The following SMIM29 variants were observed in gnomAD, a reference collection of about 807,000 sequenced individuals.
SMIM29 encodes small integral membrane protein 29.
Under a neutral mutation model 12.9 loss-of-function variants are expected in SMIM29, and 4 were observed. That is an observed-to-expected ratio of 0.31 (90% CI 0.15 to 0.71). The LOEUF (loss-of-function observed/expected upper bound fraction) is 0.71. Ranked by LOEUF, SMIM29 falls within the 30% of genes least tolerant of loss-of-function variation. SMIM29 has a pLI of 0.70. For synonymous variants in SMIM29, 50 were observed against 52.0 expected, an observed-to-expected ratio of 0.96 and a Z score of 0.17; for missense variants, 122 against 138.1, an observed-to-expected ratio of 0.88 and a Z score of 0.58.
chr6:34,247,104 G>T lies in SMIM29; in HGVS notation c.183C>A (p.Asp61Glu), dbSNP rs148849713. 40 of 1,613,978 alleles carry T rather than the reference G, an allele frequency of 2.5e-5. No homozygotes were observed. Among genetic ancestry groups the T allele is most frequent in the Admixed American group, 1.7e-5 (1 of 60,008 alleles). ...CAGCCTCATGCAGTTCCTCAGCTGG[G>T]TCATAGCTGTACATGGGGAGCAGGT... ...RHHLLPMYSY[D>E]PAEELHEAEQ... The change falls in exon 4 of 5, where the codon GAC (aspartate) becomes GAA (glutamate). Residue 61 changes from aspartate to glutamate, a missense_variant. Transcript: ENST00000476320.
In SMIM29 at chr6:34,247,610, C is replaced by T; in HGVS notation, c.111+71G>A. 3 of 1,463,464 alleles carry T rather than the reference C, an allele frequency of 2.0e-6. No homozygotes were observed. The South Asian group carries it at 4.2e-5, about 21-fold the overall frequency. 90.7% of individuals were successfully genotyped at this position (1,463,464 alleles called of 1,614,324 possible). On this transcript the variant is annotated intron_variant, in intron 2 of 4. Transcript: ENST00000476320. Reference sequence around the variant, plus strand: ...CAGGACAGTGGGGACTCTGTGCAGACTGGACCAGGCCCACCCAGCCCCTGC... The same window carrying T: ...CAGGACAGTGGGGACTCTGTGCAGATTGGACCAGGCCCACCCAGCCCCTGC...
At chr6:34,247,245 T>C (rs1762833669) in intron 3 of SMIM29, 96 bp from the exon 4 acceptor site, 1 of 1,597,752 alleles carries the variant, frequency 6.3e-7, no homozygotes, top group Admixed American at 1.7e-5. Context: ...GCAGGGGCAA[T>C]TCCAGTGGGT....
Position 34,248,696 on chromosome 6 carries a change from G to A in SMIM29, c.-74+283C>T, listed in dbSNP as rs796579553. On this transcript the variant is annotated intron_variant, in intron 1 of 4. Transcript: ENST00000476320. The stretch of plus-strand genomic sequence containing the variant: ...GTATGAGCGACCTACCCCCGTGTCC[G>A]TAGGGCACGGGGCATCGAGCTTGCC... The A allele has an allele frequency of 9.1e-6, 9 of 985,402 alleles. No homozygotes were observed. The Admixed American group carries it at 3.1e-4, about 34-fold the overall frequency. 61.0% of individuals were successfully genotyped at this position (985,402 alleles called of 1,614,324 possible). A position where few individuals can be genotyped will look rare whatever the true frequency, so the allele number is the denominator to read the frequency against.
rs1421380029 is a variant in SMIM29 at position 34,247,063 on chromosome 6, G to T, written c.224C>A (p.Ser75Tyr). 6.2e-7 allele frequency: 1 copy of T among 1,614,128 alleles called. No homozygotes were observed. Among genetic ancestry groups the T allele is most frequent in the Non-Finnish European group, 8.5e-7 (1 of 1,180,020 alleles). The change falls in exon 4 of 5, where the codon TCT (serine) becomes TAT (tyrosine). Residue 75 changes from serine to tyrosine, a missense_variant. Physicochemically the swap from Ser to Tyr is moderately radical, Grantham distance 144 (BLOSUM62 -2). Transcript: ENST00000476320. ...GCTCACCTTGGGGTCTCCCATGTCA[G>T]AGAGCAGCTCCTGCTCAGCCTCATG... is the stretch of plus-strand genomic sequence containing the variant. ...ELHEAEQELL[S>Y]DMGDPKVVHG...
chr6:34,247,045 T>C lies in SMIM29; in HGVS notation c.242A>G (p.Lys81Arg). The change falls in exon 4 of 5, where the codon AAG becomes AGG. Residue 81 changes from lysine to arginine, a missense_variant and splice_region_variant. Lys to Arg is a conservative substitution (Grantham distance 26). Coordinates refer to ENST00000476320, the MANE Select transcript of SMIM29 (RefSeq NM_001008703.4). ...QELLSDMGDP[K>R]VVHGWQSGYQ... ...TCCCCCTGGCCCCCAAGTGCTCACCTTGGGGTCTCCCATGTCAGAGAGCAG... is the reference window on the plus strand; with the variant it reads ...TCCCCCTGGCCCCCAAGTGCTCACCCTGGGGTCTCCCATGTCAGAGAGCAG... 6.2e-7 allele frequency: 1 copy of C among 1,614,098 alleles called. No homozygotes were observed. Among genetic ancestry groups the C allele is most frequent in the Non-Finnish European group, 8.5e-7 (1 of 1,180,018 alleles).
chr6:34,247,407 A>G lies in SMIM29; in HGVS notation c.137+60T>C, dbSNP rs149332404. On this transcript the variant is annotated intron_variant, in intron 3 of 4. Transcript: ENST00000476320. Reference sequence around the variant, plus strand: ...ACATCTTACAGAAAAGTCAGAGCCTATGAGCAGGAATTTCAGAACGGGTGT... The same window carrying G: ...ACATCTTACAGAAAAGTCAGAGCCTGTGAGCAGGAATTTCAGAACGGGTGT... The G allele has an allele frequency of 4.4e-4, 519 of 1,177,640 alleles. 3 individuals are homozygous for G. The East Asian group carries it at 0.02, about 46-fold the overall frequency. 72.9% of individuals were successfully genotyped at this position (1,177,640 alleles called of 1,614,324 possible).
rs1408737405 is a variant in SMIM29, at chr6:34,246,652, A to G, written c.*151T>C. On this transcript the variant is annotated 3_prime_UTR_variant, in exon 5 of 5. Coordinates refer to ENST00000476320, the MANE Select transcript of SMIM29 (RefSeq NM_001008703.4). ...GGGGCAGTGAGGTGATGGTGAGGGC[A>G]TGGGAAGCAGATGCTGCTGAGGGTG... 1.2e-6 allele frequency: 2 copies of G among 1,614,006 alleles called. No homozygotes were observed. Among genetic ancestry groups the G allele is most frequent in the Non-Finnish European group, 8.5e-7 (1 of 1,179,974 alleles).
intron 2 of SMIM29, 30 bp downstream of exon 2, chr6:34,247,651 G>T: frequency 3.5e-6 from 5 of 1,435,882 alleles, no homozygotes; most frequent in Non-Finnish European, 3.6e-6. Flanking sequence ...CAAAGCTGTG[G>T]GTGTCTGTGT....
Position 34,246,541 on chromosome 6 carries a change from C to G in SMIM29, c.*262G>C. On this transcript the variant is annotated 3_prime_UTR_variant, in exon 5 of 5. Transcript: ENST00000476320. ...AGAGAAAGCAAAGGTGTCTACCAGC[C>G]GCCCCCATCCCAGAAGGAAAGCCTC... 2 of 1,566,202 alleles carry G rather than the reference C, an allele frequency of 1.3e-6. No individual in the cohort carries two copies. The highest frequency in any genetic ancestry group is 1.7e-6 in the Non-Finnish European group (2 of 1,153,220).
intron 3 of SMIM29, 23 bp from the exon 4 acceptor site, chr6:34,247,172 CAGCT>C (rs781365256): frequency 1.9e-6 from 3 of 1,613,302 alleles, no homozygotes; most frequent in African/African-American, 1.3e-5. Flanking sequence ...GGAGGGGACT[CAGCT>C]AGGAGGTCCC....
intron 1 of SMIM29, chr6:34,248,629 G>T: frequency 9.1e-6 from 9 of 985,598 alleles, no homozygotes; most frequent in Non-Finnish European, 1.1e-5. Flanking sequence ...ATGGCCCAAG[G>T]TCCGCGACCC....
Position 34,248,995 on chromosome 6 carries a change from C to A in SMIM29, c.-90G>T. 1.0e-6 allele frequency: 1 copy of A among 985,612 alleles called. No individual in the cohort carries two copies. Among genetic ancestry groups the A allele is most frequent in the Non-Finnish European group, 1.2e-6 (1 of 830,058 alleles). The allele number at this position is 985,612 out of a possible 1,614,324, so 61.1% of individuals were successfully genotyped here. On this transcript the variant is annotated 5_prime_UTR_variant, in exon 1 of 5. Coordinates refer to ENST00000476320, the MANE Select transcript of SMIM29 (RefSeq NM_001008703.4). ...ATGCCTTACCTCCCGCCGCTGCAGCCCCGACAGGAACGCCCTCGGTTGGCT... is the reference window on the plus strand; with the variant it reads ...ATGCCTTACCTCCCGCCGCTGCAGCACCGACAGGAACGCCCTCGGTTGGCT...
Position 34,246,649 on chromosome 6 carries a change from G to A in SMIM29, c.*154C>T. The stretch of plus-strand genomic sequence containing the variant: ...CTGGGGGCAGTGAGGTGATGGTGAG[G>A]GCATGGGAAGCAGATGCTGCTGAGG... On this transcript the variant is annotated 3_prime_UTR_variant, in exon 5 of 5. Transcript: ENST00000476320. 6.2e-7 allele frequency: 1 copy of A among 1,613,998 alleles called. No individual in the cohort carries two copies. The highest frequency in any genetic ancestry group is 8.5e-7 in the Non-Finnish European group (1 of 1,179,984).
At position 34,246,803 on chromosome 6, in the gene SMIM29, T is replaced by A. The variant is rs1762797069; in HGVS notation, c.309A>T (p.Ter103CysextTer68). 6.2e-7 allele frequency: 1 copy of A among 1,612,844 alleles called. No homozygotes were observed. Among genetic ancestry groups the A allele is most frequent in the Non-Finnish European group, 8.5e-7 (1 of 1,179,914 alleles). Residue 103 changes from the stop codon to cysteine (C), a stop_lost, in exon 5 of 5, where the codon TGA (stop) becomes TGT (cysteine). Transcript: ENST00000476320. ...KRMPLLDVKT[*>C] is the part of the protein sequence containing the mutation. ...TGAAGGGTGGGGCAAGGGGGTCAGGTCACGTCTTGACATCCAGCAGTGGCA... is the reference window on the plus strand; with the variant it reads ...TGAAGGGTGGGGCAAGGGGGTCAGGACACGTCTTGACATCCAGCAGTGGCA...
chr6:34,248,871 G>A, intron 1 of SMIM29, 108 bp downstream of exon 1: 1 of 985,642 alleles, frequency 1.0e-6, no homozygotes, highest in South Asian at 4.7e-5. Context: ...TGGGGGTGTT[G>A]GGGGATGCGG....
intron 1 of SMIM29, chr6:34,248,321 C>T: frequency 1.0e-6 from 1 of 985,450 alleles, no homozygotes; most frequent in Non-Finnish European, 1.2e-6. Flanking sequence ...CCGCTTCCAT[C>T]CTGGTCCAAT....
chr6:34,248,229 C>T (rs1762885785), intron 1 of SMIM29: 1 of 985,468 alleles, frequency 1.0e-6, no homozygotes, highest in Non-Finnish European at 1.2e-6. Flanking sequence ...AGCACCTGTC[C>T]AGTGGAGCAA....
rs1308719115 is a variant in SMIM29, at chr6:34,248,781, G to C, written c.-74+198C>G. 9 of 985,694 alleles carry C rather than the reference G, an allele frequency of 9.1e-6. No individual in the cohort carries two copies. In the African/African-American group the frequency reaches 1.6e-4, roughly 17 times the overall value. The allele number at this position is 985,694 out of a possible 1,614,324, so 61.1% of individuals were successfully genotyped here. The stretch of plus-strand genomic sequence containing the variant: ...GGGGGCATGCCAGGGTGGGGAGGGC[G>C]TCAGGCCGCTGCTAGGATGCGGGCC... On this transcript the variant is annotated intron_variant, in intron 1 of 4. Transcript: ENST00000476320.
intron 3 of SMIM29, 65 bp from the exon 4 acceptor site, chr6:34,247,214 C>G: frequency 1.4e-6 from 2 of 1,463,882 alleles, no homozygotes; most frequent in Non-Finnish European, 1.8e-6. Context: ...ACCTGGCTGC[C>G]TCGTCTCCTC....
Sources: gnomAD v4.1 joint callset for allele counts on GRCh38, gnomAD v4.1.1 for gene constraint, MANE v1.5 for transcripts, NCBI Gene and HGNC (gene_info 2026-07-23, HGNC 2026-07-21) for gene names.